ANKS1A: variants seen among roughly 807,000 people sequenced by gnomAD.
The protein encoded by ANKS1A is ankyrin repeat and SAM domain-containing protein 1A.
A neutral mutation model predicts 120.3 loss-of-function variants in ANKS1A; 55 were observed. That is an observed-to-expected ratio of 0.46 (90% CI 0.37 to 0.57). ANKS1A has a LOEUF of 0.57. ANKS1A is among the 20% of genes least tolerant of loss of function. The pLI, the probability that ANKS1A is intolerant of heterozygous loss-of-function variation, is 0.00. For synonymous variants in ANKS1A, 590 were observed against 604.7 expected (o/e 0.98, Z 0.36); for missense variants, 1,123 against 1,480.3 (o/e 0.76, Z 3.96).
chr6:34,894,903 G>A lies in ANKS1A; in HGVS notation c.197+5304G>A, dbSNP rs1766996480. On this transcript the variant is annotated intron_variant, in intron 1 of 23. Transcript: ENST00000360359. ...GGTGAATAAGAAAAGAGGAAGCCAA[G>A]GAGACTTGCTGGAGAATCTGAAAAT... is the stretch of plus-strand genomic sequence containing the variant. Among the ~76,000 whole-genome samples, 4 of 152,154 alleles carry A rather than the reference G, an allele frequency of 2.6e-5. No homozygotes were observed. The South Asian group carries it at 8.3e-4, about 32-fold the overall frequency.
Position 35,060,015 on chromosome 6 carries a change from C to T in ANKS1A, c.2078-132C>T. 1 of 678,118 alleles carries T rather than the reference C, an allele frequency of 1.5e-6. No homozygotes were observed. 42.0% of individuals were successfully genotyped at this position (678,118 alleles called of 1,614,324 possible). A position where few individuals can be genotyped will look rare whatever the true frequency, so the allele number is the denominator to read the frequency against. On this transcript the variant is annotated intron_variant, in intron 12 of 23. Coordinates refer to ENST00000360359, the MANE Select transcript of ANKS1A (RefSeq NM_015245.3). This position sits in a 1 kb window ranked among gnomAD's most constrained non-coding sequence, Gnocchi z 4.5. ...CTGCGTGTCTGCTGCTCTCTGGTCT[C>T]TTGTATATAGTTTGGCTGTTTGATG... is the stretch of plus-strand genomic sequence containing the variant.
rs576882934 is a variant in ANKS1A at position 34,932,250 on chromosome 6, G to A, written c.198-34989G>A. 6.7e-4 allele frequency among the ~76,000 whole-genome samples: 102 copies of A among 152,236 alleles called. No homozygotes were observed. In the South Asian group the frequency reaches 0.019, roughly 29 times the overall value. ...CCCAGGCTGGAGTACAGTGGTGTGC[G>A]TCTCAGCTCACTGCAACCTCGGCCT... On this transcript the variant is annotated intron_variant, in intron 1 of 23. Coordinates refer to ENST00000360359, the MANE Select transcript of ANKS1A (RefSeq NM_015245.3).
chr6:35,017,701 C>T lies in ANKS1A; in HGVS notation c.1652C>T (p.Ala551Val), dbSNP rs1774103540. The change falls in exon 11 of 24, where the codon GCT (alanine) becomes GTT (valine). Residue 551 changes from alanine (A) to valine (V), a missense_variant. Coordinates refer to ENST00000360359, the MANE Select transcript of ANKS1A (RefSeq NM_015245.3). ...SMQLEETGVHAPGASQPSALD... is the reference protein window; with the variant it reads ...SMQLEETGVHVPGASQPSALD... ...CAGCTGGAGGAGACGGGTGTGCATGCTCCTGGAGCCTCCCAGCCCAGTGCC... is the reference window on the plus strand; with the variant it reads ...CAGCTGGAGGAGACGGGTGTGCATGTTCCTGGAGCCTCCCAGCCCAGTGCC... The T allele has an allele frequency of 4.3e-6, 7 of 1,614,022 alleles. No individual in the cohort carries two copies. Among genetic ancestry groups the T allele is most frequent in the Admixed American group, 1.7e-5 (1 of 60,036 alleles).
At chr6:34,977,194 CTTTG>C (rs1404634200) in intron 3 of ANKS1A, among the ~76,000 whole-genome samples, 1 of 152,068 alleles carries the variant, frequency 6.6e-6, no homozygotes, top group African/African-American at 2.4e-5. Flanking sequence ...TTCAATTTAG[CTTTG>C]TTTGATATTT....
At position 35,082,222 on chromosome 6, in the gene ANKS1A, G is replaced by GA. The variant is rs1561965808; in HGVS notation, c.2710-467dup. Among the ~76,000 whole-genome samples the GA allele has an allele frequency of 4.6e-5, 7 of 151,702 alleles. No homozygotes were observed. The highest frequency in any genetic ancestry group is 1.0e-4 in the Non-Finnish European group (7 of 67,926). On this transcript the variant is annotated intron_variant, in intron 17 of 23. Coordinates refer to ENST00000360359, the MANE Select transcript of ANKS1A (RefSeq NM_015245.3). The surrounding 1 kb of genome is among the most constrained non-coding windows in gnomAD (Gnocchi z 4.1). Reference sequence around the variant, plus strand: ...AGCTGCTGCCAGAAGGATCCATTTGGAATGCATTCCTAGGCACGGGCGGGT... The same window carrying GA: ...AGCTGCTGCCAGAAGGATCCATTTGGAAATGCATTCCTAGGCACGGGCGGGT...
chr6:35,032,162 A>T (rs1325060904), intron 11 of ANKS1A, among the ~76,000 whole-genome samples: 2 of 152,240 alleles, frequency 1.3e-5, no homozygotes, highest in Admixed American at 1.3e-4. Flanking sequence ...GCTCTTGAAG[A>T]AAAGGAGCAG....
rs1341728144 is a variant in ANKS1A at position 35,079,749 on chromosome 6, T to C, written c.2437-72T>C. ...AGGGGCAGCCTGGCCCAGCGGAAGA[T>C]GCTGGGGGCTGGAGCGGACTGTGAG... On this transcript the variant is annotated intron_variant, in intron 15 of 23. Transcript: ENST00000360359. The C allele has an allele frequency of 4.3e-6, 7 of 1,611,128 alleles. No homozygotes were observed. In the South Asian group the frequency reaches 7.7e-5, roughly 18 times the overall value.
intron 13 of ANKS1A, among the ~76,000 whole-genome samples, chr6:35,064,374 C>T (rs946876713): frequency 1.3e-5 from 2 of 152,184 alleles, no homozygotes; most frequent in Admixed American, 6.5e-5. Flanking sequence ...CTGCTCCTCC[C>T]GTCAATTTCT....
intron 10 of ANKS1A, among the ~76,000 whole-genome samples, chr6:35,005,372 CTGTT>C (rs1240737307): frequency 2.0e-5 from 3 of 152,134 alleles, no homozygotes; most frequent in African/African-American, 7.2e-5. Context: ...TATGAGTTGC[CTGTT>C]TTTTTCTATT....
At chr6:34,906,815 G>GGA (rs1767669596) in intron 1 of ANKS1A, among the ~76,000 whole-genome samples, 1 of 152,190 alleles carries the variant, frequency 6.6e-6, no homozygotes, top group Non-Finnish European at 1.5e-5. Context: ...CCTCTCTCTA[G>GGA]GAGATGGAAT....
At chr6:34,933,527 C>T (rs191257808) in intron 1 of ANKS1A, among the ~76,000 whole-genome samples, 5 of 152,264 alleles carry the variant, frequency 3.3e-5, no homozygotes, top group Admixed American at 6.5e-5. Context: ...TGGGCCACCA[C>T]GCCCGGCTAG....
intron 1 of ANKS1A, among the ~76,000 whole-genome samples, chr6:34,896,271 T>C (rs1473066211): frequency 6.6e-6 from 1 of 152,026 alleles, no homozygotes; most frequent in African/African-American, 2.4e-5. Context: ...GGTTTCACTA[T>C]GTTGGCCAGG....
At chr6:34,994,125 A>G in intron 9 of ANKS1A, among the ~76,000 whole-genome samples, 177 bp from the exon 10 acceptor site, 1 of 152,178 alleles carries the variant, frequency 6.6e-6, no homozygotes, top group Non-Finnish European at 1.5e-5. Context: ...GATTGGAGGT[A>G]TGGATATATA....
chr6:35,033,796 A>G (rs981754028), intron 11 of ANKS1A, among the ~76,000 whole-genome samples: 1 of 152,224 alleles, frequency 6.6e-6, no homozygotes, highest in Non-Finnish European at 1.5e-5. Context: ...GCAGAGATGC[A>G]TTAACGTCTC....
At chr6:35,037,328 T>C (rs886615338) in intron 11 of ANKS1A, among the ~76,000 whole-genome samples, 2 of 152,246 alleles carry the variant, frequency 1.3e-5, no homozygotes, top group African/African-American at 4.8e-5. Flanking sequence ...TACACTCACT[T>C]ACATTTGAAA....
intron 1 of ANKS1A, among the ~76,000 whole-genome samples, chr6:34,905,453 G>T (rs1287875074): frequency 6.6e-6 from 1 of 152,230 alleles, no homozygotes; most frequent in Non-Finnish European, 1.5e-5. Flanking sequence ...GAGTGTGTAT[G>T]TGTGTATTTG....
At chr6:34,987,467 C>G (rs780857734) in intron 8 of ANKS1A, among the ~76,000 whole-genome samples, 5 of 152,090 alleles carry the variant, frequency 3.3e-5, no homozygotes, top group African/African-American at 4.8e-5. Flanking sequence ...TGGATACAGG[C>G]CTGCTCCTTT....
chr6:35,091,335 GTT>G lies in ANKS1A; in HGVS notation c.*2729_*2730del, dbSNP rs1778294152. On this transcript the variant is annotated 3_prime_UTR_variant, in exon 24 of 24. Transcript: ENST00000360359. ...AAATATTTCTGGGCTTCCAGCTTTG[GTT>G]TTGTTATTTTCATAACTGTACACAA... 10 of 985,508 alleles carry G rather than the reference GTT, an allele frequency of 1.0e-5. No individual in the cohort carries two copies. The highest frequency in any genetic ancestry group is 1.2e-5 in the Non-Finnish European group (10 of 829,926). 61.0% of individuals were successfully genotyped at this position (985,508 alleles called of 1,614,324 possible).
intron 13 of ANKS1A, 77 bp from the exon 14 acceptor site, chr6:35,078,481 A>G: frequency 1.5e-6 from 2 of 1,365,488 alleles, no homozygotes; most frequent in Non-Finnish European, 2.1e-6. Flanking sequence ...CAGGGCCCTG[A>G]AAGGCCCACC....
Sources: allele counts gnomAD v4.1 joint callset (sites outside exome capture counted in the v4.1 genomes callset), GRCh38; gene constraint gnomAD v4.1.1; non-coding constraint Gnocchi (gnomAD v3.1); transcripts MANE v1.5; gene names NCBI Gene and HGNC (gene_info 2026-07-23, HGNC 2026-07-21).